The following AGBL4 variants were observed in gnomAD, a reference collection of about 807,000 sequenced individuals.
AGBL4 encodes AGBL carboxypeptidase 4.
In AGBL4, 58 loss-of-function variants were observed where a neutral mutation model predicts 66.4. The ratio of observed to expected loss-of-function variants is 0.87; its 90% CI spans 0.71 to 1.09. The LOEUF is 1.09. AGBL4 is among the 50% of genes least tolerant of loss of function. The pLI, the probability that AGBL4 is intolerant of heterozygous loss-of-function variation, is 0.00. For synonymous variants in AGBL4, 234 were observed against 222.9 expected (o/e 1.05, Z -0.44); for missense variants, 579 against 631.0 (o/e 0.92, Z 0.88).
intron 11 of AGBL4, among the ~76,000 whole-genome samples, chr1:48,553,377 A>T (rs568831673): frequency 8.5e-5 from 13 of 152,306 alleles, no homozygotes; most frequent in Admixed American, 2.6e-4. Flanking sequence ...CTGAAGACCA[A>T]AGTAAATATT....
chr1:49,839,524 T>A (rs1645935672), intron 2 of AGBL4, among the ~76,000 whole-genome samples: 1 of 152,164 alleles, frequency 6.6e-6, no homozygotes, highest in South Asian at 2.1e-4. Context: ...GTTAAAGAGG[T>A]CATCAAATGA....
At chr1:49,103,190 G>A (rs1645234204) in intron 4 of AGBL4, among the ~76,000 whole-genome samples, 1 of 152,080 alleles carries the variant, frequency 6.6e-6, no homozygotes, top group Non-Finnish European at 1.5e-5. Context: ...TGAGAATTTG[G>A]GATTAGAGTC....
At chr1:49,551,568 T>C (rs1652956242) in intron 3 of AGBL4, among the ~76,000 whole-genome samples, 1 of 152,192 alleles carries the variant, frequency 6.6e-6, no homozygotes, top group Non-Finnish European at 1.5e-5. Context: ...TTGTTTCTCT[T>C]CTGAGTCTAG....
downstream of AGBL4, among the ~76,000 whole-genome samples, chr1:48,531,001 C>A (rs12143385): frequency 0.21 from 32,034 of 152,094 alleles, 3,642 homozygotes; most frequent in Middle Eastern, 0.28. Context: ...GTGCTGAAAA[C>A]CTTTCCCCTC....
intron 3 of AGBL4, among the ~76,000 whole-genome samples, chr1:49,520,983 A>G (rs1650214180): frequency 6.6e-6 from 1 of 151,652 alleles, no homozygotes; most frequent in Admixed American, 6.6e-5. Flanking sequence ...TAATTTTTGT[A>G]TTTTTAGTAG....
chr1:49,273,873 G>A (rs1404149991), intron 3 of AGBL4, among the ~76,000 whole-genome samples: 1 of 151,804 alleles, frequency 6.6e-6, no homozygotes, highest in Non-Finnish European at 1.5e-5. Flanking sequence ...TAGTAGAGAC[G>A]GGGTTTCACC....
chr1:49,459,279 G>A (rs7528404), intron 3 of AGBL4, among the ~76,000 whole-genome samples: 79,873 of 151,238 alleles, frequency 0.53, 22,536 homozygotes, highest in Non-Finnish European at 0.63. Flanking sequence ...TTTCAATCTC[G>A]CTACTTGTAA....
intron 1 of AGBL4, among the ~76,000 whole-genome samples, chr1:49,869,855 T>C (rs182129067): frequency 4.7e-4 from 72 of 152,270 alleles, no homozygotes; most frequent in African/African-American, 1.5e-3. Context: ...GGTTAATTAA[T>C]AAGTGCAAAC....
chr1:49,196,338 T>G (rs1303043985), intron 4 of AGBL4, among the ~76,000 whole-genome samples: 1 of 152,230 alleles, frequency 6.6e-6, no homozygotes, highest in Non-Finnish European at 1.5e-5. Context: ...TTAATGAATT[T>G]TTCATTTTCA....
intron 4 of AGBL4, among the ~76,000 whole-genome samples, chr1:49,062,963 G>A (rs141397173): frequency 1.6e-3 from 239 of 152,238 alleles, no homozygotes; most frequent in African/African-American, 5.5e-3. Context: ...TAGAAGCTCT[G>A]AATTCATGTA....
At chr1:48,800,685 T>G (rs921518133) in intron 6 of AGBL4, among the ~76,000 whole-genome samples, 7 of 152,226 alleles carry the variant, frequency 4.6e-5, no homozygotes, top group African/African-American at 1.7e-4. Flanking sequence ...TTTTGATAGC[T>G]TGTGTCACTA....
At chr1:48,629,180 C>T (rs1645553289) in intron 9 of AGBL4, among the ~76,000 whole-genome samples, 1 of 152,140 alleles carries the variant, frequency 6.6e-6, no homozygotes. Context: ...CTGGGAAGCC[C>T]ATTCACATAT....
intron 6 of AGBL4, among the ~76,000 whole-genome samples, chr1:48,713,913 C>T (rs1196945854): frequency 6.6e-6 from 1 of 152,206 alleles, no homozygotes; most frequent in Non-Finnish European, 1.5e-5. Flanking sequence ...TAGATATCTT[C>T]ATTCTTCCCA....
intron 4 of AGBL4, among the ~76,000 whole-genome samples, chr1:49,144,092 T>C (rs1646169191): frequency 6.6e-6 from 1 of 152,222 alleles, no homozygotes; most frequent in African/African-American, 2.4e-5. Flanking sequence ...TTAGCGCCTA[T>C]ACTAGCAAGG....
chr1:49,420,438 C>T (rs201354688), intron 3 of AGBL4, among the ~76,000 whole-genome samples: 2 of 152,012 alleles, frequency 1.3e-5, no homozygotes, highest in South Asian at 2.1e-4. Flanking sequence ...CAGTGGCTCA[C>T]GCCTGTAATC....
chr1:49,546,216 C>A (rs181613217), intron 3 of AGBL4, among the ~76,000 whole-genome samples: 12 of 151,948 alleles, frequency 7.9e-5, no homozygotes, highest in Admixed American at 7.2e-4. Flanking sequence ...TTAATTCATC[C>A]CTTTTTTATG....
At chr1:49,761,788 C>A (rs1652338907) in intron 2 of AGBL4, among the ~76,000 whole-genome samples, 1 of 152,134 alleles carries the variant, frequency 6.6e-6, no homozygotes, top group Non-Finnish European at 1.5e-5. Flanking sequence ...TTGTGAAATA[C>A]TAGAGCTTAT....
chr1:49,974,305 G>A (rs868168980), intron 1 of AGBL4, among the ~76,000 whole-genome samples: 10 of 152,086 alleles, frequency 6.6e-5, no homozygotes, highest in Non-Finnish European at 7.4e-5. Context: ...GTGAAACCAG[G>A]TGATTTATAA....
At chr1:49,850,894 G>A (rs966262002) in intron 2 of AGBL4, among the ~76,000 whole-genome samples, 3 of 152,006 alleles carry the variant, frequency 2.0e-5, no homozygotes, top group African/African-American at 7.2e-5. Flanking sequence ...ACACAATCAA[G>A]TCCTCATCTC....
Sources: allele counts gnomAD v4.1 joint callset (sites outside exome capture counted in the v4.1 genomes callset), GRCh38; gene constraint gnomAD v4.1.1; transcripts MANE v1.5; gene names NCBI Gene and HGNC (gene_info 2026-07-23, HGNC 2026-07-21).